SLC35F5: variants seen among roughly 807,000 people sequenced by gnomAD.
SLC35F5 encodes HCV NS5A-transactivated protein 3.
SLC35F5 carries 54 observed loss-of-function variants against 68.6 expected under a neutral mutation model. The observed-to-expected ratio is 0.79, with a 90% CI of 0.63 to 0.99. SLC35F5 has a LOEUF of 0.99. Among genes scored for constraint, SLC35F5 ranks in the 50% least tolerant of loss-of-function variants. SLC35F5 has a pLI of 0.00. For missense variants in SLC35F5, 567 were observed against 626.9 expected (o/e 0.90, Z 1.02); for synonymous variants, 211 against 205.2 (o/e 1.03, Z -0.24).
chr2:113,746,996 T>C (rs945606374), intron 4 of SLC35F5, among the ~76,000 whole-genome samples: 6 of 150,858 alleles, frequency 4.0e-5, no homozygotes, highest in African/African-American at 1.5e-4. Context: ...CTCAAAAACC[T>C]CTGAATGAGA....
chr2:113,743,600 C>T, intron 6 of SLC35F5, 113 bp downstream of exon 6: 1 of 705,650 alleles, frequency 1.4e-6, no homozygotes, highest in Non-Finnish European at 2.4e-6. Context: ...TAGGCTGAGT[C>T]AAGACCACAT....
chr2:113,743,665 T>C (rs3748907), intron 6 of SLC35F5, 48 bp downstream of exon 6: 361,340 of 1,463,652 alleles, frequency 0.25, 48,385 homozygotes, highest in Middle Eastern at 0.41. Context: ...AGTTCTGAAG[T>C]GGCTTGAATA....
intron 1 of SLC35F5, chr2:113,755,938 A>G: frequency 1.3e-6 from 2 of 1,550,378 alleles, no homozygotes; most frequent in South Asian, 1.2e-5. Context: ...GATCTGCTGG[A>G]GTGGAATTTG....
intron 12 of SLC35F5, among the ~76,000 whole-genome samples, chr2:113,724,145 G>A (rs945823239): frequency 6.6e-6 from 1 of 152,184 alleles, no homozygotes; most frequent in Non-Finnish European, 1.5e-5. Context: ...AAGGAAACAA[G>A]TACTTGTGGT....
chr2:113,726,845 G>A (rs765417601), intron 11 of SLC35F5, among the ~76,000 whole-genome samples: 15 of 152,150 alleles, frequency 9.9e-5, no homozygotes, highest in African/African-American at 2.4e-4. Context: ...ATACTTGTGC[G>A]CCACACGGTT....
intron 7 of SLC35F5, among the ~76,000 whole-genome samples, chr2:113,740,858 C>G (rs1218555360): frequency 6.6e-6 from 1 of 152,200 alleles, no homozygotes; most frequent in African/African-American, 2.4e-5. Context: ...ATCTCTTCAC[C>G]TCGTGATCCA....
In SLC35F5 at chr2:113,707,176, A is replaced by G. The variant is rs1237502864; in HGVS notation, c.*8042T>C. Among the ~76,000 whole-genome samples, 1 of 140,786 alleles carries G rather than the reference A, an allele frequency of 7.1e-6. No individual in the cohort carries two copies. Among genetic ancestry groups the G allele is most frequent in the East Asian group, 1.9e-4 (1 of 5,136 alleles). 92.4% of individuals were successfully genotyped at this position (140,786 alleles called of 152,430 possible). A position where few individuals can be genotyped will look rare whatever the true frequency, so the allele number is the denominator to read the frequency against. ...ACATTTCTAAAACATTGTTTCCATA[A>G]CTCATTATAAATATTTCATCTTCCG... On this transcript the variant is annotated 3_prime_UTR_variant, in exon 16 of 16. Coordinates refer to ENST00000245680, the MANE Select transcript of SLC35F5 (RefSeq NM_025181.5).
At chr2:113,732,771 C>T (rs1001663173) in intron 9 of SLC35F5, among the ~76,000 whole-genome samples, 15 of 152,146 alleles carry the variant, frequency 9.9e-5, no homozygotes, top group African/African-American at 3.6e-4. Flanking sequence ...ACAACTTCTA[C>T]TCATTTAATC....
chr2:113,742,610 T>C, intron 7 of SLC35F5, 82 bp downstream of exon 7: 2 of 1,378,974 alleles, frequency 1.5e-6, no homozygotes, highest in Non-Finnish European at 2.0e-6. Context: ...GTCTCACACT[T>C]CAATCCTATA....
chr2:113,733,577 T>G (rs1687977374), intron 9 of SLC35F5, among the ~76,000 whole-genome samples: 1 of 152,192 alleles, frequency 6.6e-6, no homozygotes, highest in African/African-American at 2.4e-5. Context: ...CCATAAAGTC[T>G]AAATGGTAAA....
chr2:113,741,767 C>A (rs1268802104), intron 7 of SLC35F5: 1 of 149,988 alleles, frequency 6.7e-6, no homozygotes, highest in Non-Finnish European at 1.5e-5. Context: ...AAAATTAATT[C>A]TTAAAAAGGC....
At chr2:113,727,915 T>C (rs998705335) in intron 11 of SLC35F5, among the ~76,000 whole-genome samples, 30 of 152,158 alleles carry the variant, frequency 2.0e-4, no homozygotes, top group Non-Finnish European at 4.0e-4. Flanking sequence ...CACCTACCTA[T>C]AACACTAAAA....
chr2:113,726,080 G>T (rs748893081), intron 11 of SLC35F5, among the ~76,000 whole-genome samples: 1 of 152,138 alleles, frequency 6.6e-6, no homozygotes, highest in Admixed American at 6.5e-5. Flanking sequence ...GCTATTCAAC[G>T]TATGAGCAAA....
intron 13 of SLC35F5, among the ~76,000 whole-genome samples, chr2:113,722,380 C>CACAT (rs1008416377): frequency 1.1e-4 from 14 of 125,950 alleles, no homozygotes; most frequent in Non-Finnish European, 2.3e-4. Flanking sequence ...GACTAAAACA[C>CACAT]ACATACATAC....
Position 113,755,207 on chromosome 2 carries a change from CAGA to C in SLC35F5, c.228_230del (p.Leu78del), listed in dbSNP as rs773160540. 1 of 1,614,022 alleles carries C rather than the reference CAGA, an allele frequency of 6.2e-7. No individual in the cohort carries two copies. The highest frequency in any genetic ancestry group is 1.7e-5 in the Admixed American group (1 of 59,992). ...AAGCAACCCATATCACATCAACAAG[CAGA>C]AGAATAACAATCCCAAGAGCCATTC... On this transcript the variant is annotated inframe_deletion, in exon 3 of 16. Transcript: ENST00000245680.
chr2:113,751,849 A>G (rs940142876), intron 3 of SLC35F5, among the ~76,000 whole-genome samples: 1 of 152,180 alleles, frequency 6.6e-6, no homozygotes, highest in Non-Finnish European at 1.5e-5. Context: ...TAAATGGCCA[A>G]ATCCAGGTAT....
intron 15 of SLC35F5, 113 bp downstream of exon 15, chr2:113,717,640 T>C: frequency 1.5e-6 from 1 of 668,628 alleles, no homozygotes; most frequent in Non-Finnish European, 2.4e-6. Flanking sequence ...CTTTAGCCCC[T>C]TTAGCCTCTA....
At chr2:113,735,746 T>C (rs374945629) in intron 8 of SLC35F5, 31 bp downstream of exon 8, 16 of 1,422,454 alleles carry the variant, frequency 1.1e-5, no homozygotes, top group Non-Finnish European at 1.5e-5. Flanking sequence ...CACTGATTTA[T>C]AATGCAGATT....
chr2:113,752,420 C>G (rs1390967036), intron 3 of SLC35F5, among the ~76,000 whole-genome samples: 1 of 152,108 alleles, frequency 6.6e-6, no homozygotes, highest in African/African-American at 2.4e-5. Context: ...TTGGCATCAT[C>G]TAAAGTGAGA....
Sources: allele counts gnomAD v4.1 joint callset (sites outside exome capture counted in the v4.1 genomes callset), GRCh38; gene constraint gnomAD v4.1.1; transcripts MANE v1.5; gene names NCBI Gene and HGNC (gene_info 2026-07-23, HGNC 2026-07-21).